The following AKR1D1 variants were observed in gnomAD, a reference collection of about 807,000 sequenced individuals.
AKR1D1 encodes the protein delta(4)-3-ketosteroid 5-beta-reductase.
A neutral mutation model predicts 42.6 loss-of-function variants in AKR1D1; 32 were observed. That is an observed-to-expected ratio of 0.75 (90% confidence interval 0.57 to 1.01). AKR1D1 has a LOEUF of 1.01. Among genes scored for constraint, AKR1D1 ranks in the 50% least tolerant of loss-of-function variants. The probability of loss-of-function intolerance (pLI) is 0.00; values close to 1 mark genes in which losing one functional copy is unlikely to be tolerated. For synonymous variants in AKR1D1, 123 were observed against 135.5 expected, an observed-to-expected ratio of 0.91 and a Z score of 0.64; for missense variants, 364 against 402.2, an observed-to-expected ratio of 0.91 and a Z score of 0.81.
At chr7:138,104,280 A>G (rs1794372545) in intron 4 of AKR1D1, among the ~76,000 whole-genome samples, 1 of 152,182 alleles carries the variant, frequency 6.6e-6, no homozygotes, top group South Asian at 2.1e-4. Context: ...AGCTAGACCT[A>G]ATTTTATATA....
intron 1 of AKR1D1, among the ~76,000 whole-genome samples, chr7:138,087,074 T>C (rs1488605198): frequency 6.6e-6 from 1 of 152,220 alleles, no homozygotes; most frequent in Non-Finnish European, 1.5e-5. Flanking sequence ...TGAGACTGGA[T>C]AACTGATAAA....
chr7:138,113,554 C>A, intron 7 of AKR1D1, 136 bp from the exon 8 acceptor site: 4 of 736,072 alleles, frequency 5.4e-6, no homozygotes, highest in South Asian at 3.0e-5. Flanking sequence ...CAGTGGGTAG[C>A]CCCCCAACAC....
chr7:138,077,408 G>A (rs1802962917), intron 1 of AKR1D1, among the ~76,000 whole-genome samples: 1 of 152,146 alleles, frequency 6.6e-6, no homozygotes, highest in African/African-American at 2.4e-5. Flanking sequence ...TCACTATCCT[G>A]AGAACAGCAT....
At chr7:138,102,984 G>A (rs150032755) in intron 4 of AKR1D1, among the ~76,000 whole-genome samples, 3 of 152,282 alleles carry the variant, frequency 2.0e-5, no homozygotes, top group East Asian at 1.9e-4. Context: ...AGGTGTTCAT[G>A]ATCTTGATTG....
chr7:138,081,612 C>G (rs116158684), intron 1 of AKR1D1, among the ~76,000 whole-genome samples: 1 of 148,892 alleles, frequency 6.7e-6, no homozygotes, highest in African/African-American at 2.5e-5. Flanking sequence ...TCACCAAAAC[C>G]TCCACCTCCC....
intron 4 of AKR1D1, 169 bp downstream of exon 4, chr7:138,098,112 G>A: frequency 4.9e-6 from 3 of 613,524 alleles, no homozygotes; most frequent in Non-Finnish European, 8.6e-6. Context: ...CTCCACTTCT[G>A]GGTACTAAAT....
chr7:138,112,438 TA>T (rs1794553831), intron 7 of AKR1D1, among the ~76,000 whole-genome samples: 1 of 152,178 alleles, frequency 6.6e-6, no homozygotes, highest in African/African-American at 2.4e-5. Context: ...ATACCATGGC[TA>T]AATGAATAAA....
chr7:138,079,664 G>A (rs540510337), intron 1 of AKR1D1, among the ~76,000 whole-genome samples: 1 of 152,300 alleles, frequency 6.6e-6, no homozygotes, highest in East Asian at 1.9e-4. Context: ...CATCTGGATG[G>A]CATGCTGTCT....
At chr7:138,116,564 A>C in intron 8 of AKR1D1, 56 bp from the exon 9 acceptor site, 1 of 1,598,926 alleles carries the variant, frequency 6.3e-7, no homozygotes, top group South Asian at 1.1e-5. Context: ...CTATTGAAAC[A>C]TACAGCTGTG....
chr7:138,115,218 G>C (rs1387276693), intron 8 of AKR1D1, among the ~76,000 whole-genome samples: 1 of 152,234 alleles, frequency 6.6e-6, no homozygotes, highest in South Asian at 2.1e-4. Flanking sequence ...TAAGATAGGA[G>C]AATCACTTGA....
At chr7:138,115,271 T>C (rs1176015858) in intron 8 of AKR1D1, among the ~76,000 whole-genome samples, 1 of 152,046 alleles carries the variant, frequency 6.6e-6, no homozygotes, top group East Asian at 1.9e-4. Context: ...AGCAAGACCC[T>C]ATCTCTACAA....
At chr7:138,112,803 C>A in intron 7 of AKR1D1, among the ~76,000 whole-genome samples, 1 of 149,546 alleles carries the variant, frequency 6.7e-6, no homozygotes. Flanking sequence ...TACAGATAAT[C>A]CAAATGTTAA....
At chr7:138,093,590 A>T (rs1020753414) in intron 3 of AKR1D1, among the ~76,000 whole-genome samples, 1 of 152,138 alleles carries the variant, frequency 6.6e-6, no homozygotes, top group Non-Finnish European at 1.5e-5. Context: ...ACACGCATGG[A>T]GCTGCCATCT....
chr7:138,102,324 T>C (rs1372299868), intron 4 of AKR1D1, among the ~76,000 whole-genome samples: 3 of 152,082 alleles, frequency 2.0e-5, no homozygotes, highest in Non-Finnish European at 4.4e-5. Context: ...ACCCAGCACT[T>C]TGAGAGGCTG....
intron 7 of AKR1D1, among the ~76,000 whole-genome samples, chr7:138,112,656 G>A (rs541253125): frequency 6.6e-6 from 1 of 151,962 alleles, no homozygotes; most frequent in South Asian, 2.1e-4. Flanking sequence ...ATGGGTCTAT[G>A]TACTTCTACA....
intron 5 of AKR1D1, 75 bp from the exon 6 acceptor site, chr7:138,106,532 AT>A (rs917923070): frequency 8.1e-5 from 91 of 1,124,866 alleles, no homozygotes; most frequent in South Asian, 2.4e-4. Flanking sequence ...TTATTGAAGA[AT>A]TTTTTTTAAC....
chr7:138,100,770 T>C (rs1212908686), intron 4 of AKR1D1, among the ~76,000 whole-genome samples: 2 of 138,828 alleles, frequency 1.4e-5, no homozygotes, highest in African/African-American at 5.5e-5. Flanking sequence ...AGTGGCGCGA[T>C]CTCAGCTCAC....
intron 1 of AKR1D1, among the ~76,000 whole-genome samples, chr7:138,080,448 G>T (rs1292086017): frequency 6.6e-6 from 1 of 152,044 alleles, no homozygotes; most frequent in Non-Finnish European, 1.5e-5. Flanking sequence ...TTGCCTTTAG[G>T]GTGGGGGTGC....
chr7:138,088,788 C>T lies in AKR1D1; in HGVS notation c.261+20C>T, dbSNP rs777349075. The T allele has an allele frequency of 8.2e-6, 13 of 1,577,018 alleles. No individual in the cohort carries two copies. Among genetic ancestry groups the T allele is most frequent in the Admixed American group, 5.5e-5 (3 of 54,422 alleles). ...GGAAAGGTGAGATCTTGCCTTCAGC[C>T]TCCACTGGGGACAGTGAGAAGGTTT... is the stretch of plus-strand genomic sequence containing the variant. On this transcript the variant is annotated intron_variant, in intron 2 of 8. Transcript: ENST00000242375.
Sources: allele counts gnomAD v4.1 joint callset (sites outside exome capture counted in the v4.1 genomes callset), GRCh38; gene constraint gnomAD v4.1.1; transcripts MANE v1.5; gene names NCBI Gene and HGNC (gene_info 2026-07-23, HGNC 2026-07-21).